ADGRB3: variants seen among roughly 807,000 people sequenced by gnomAD.
ADGRB3 encodes adhesion G protein-coupled receptor B3, also known as brain-specific angiogenesis inhibitor 3.
In ADGRB3, 37 loss-of-function variants were observed where a neutral mutation model predicts 193.4. The ratio of observed to expected loss-of-function variants is 0.19; its 90% CI spans 0.15 to 0.25. The LOEUF (loss-of-function observed/expected upper bound fraction) is 0.25, where lower values mean the gene tolerates loss of function less well. ADGRB3 is among the 10% of genes least tolerant of loss of function. ADGRB3 has a pLI of 1.00. For synonymous variants in ADGRB3, 690 were observed against 644.2 expected (o/e 1.07, Z -1.08); for missense variants, 1,637 against 1,852.9 (o/e 0.88, Z 2.14).
At chr6:68,771,886 T>G (rs1582187548) in intron 3 of ADGRB3, among the ~76,000 whole-genome samples, 2 of 152,160 alleles carry the variant, frequency 1.3e-5, no homozygotes, top group South Asian at 2.1e-4. Flanking sequence ...GTTTTCCAGG[T>G]TCAATTGCAA....
intron 10 of ADGRB3, among the ~76,000 whole-genome samples, chr6:68,980,669 GA>G (rs918564847): frequency 6.6e-6 from 1 of 151,524 alleles, no homozygotes; most frequent in African/African-American, 2.4e-5. Flanking sequence ...GAGCAATTAA[GA>G]AACCAGTAAA....
At chr6:68,906,568 A>T (rs1562080604) in intron 3 of ADGRB3, among the ~76,000 whole-genome samples, 1 of 152,120 alleles carries the variant, frequency 6.6e-6, no homozygotes, top group South Asian at 2.1e-4. Context: ...TCAAATTGTT[A>T]AAAGACACAT....
At chr6:69,131,922 C>A (rs1774022875) in intron 17 of ADGRB3, among the ~76,000 whole-genome samples, 1 of 151,550 alleles carries the variant, frequency 6.6e-6, no homozygotes, top group Admixed American at 6.6e-5. Flanking sequence ...TGATGGTTTA[C>A]AGTTTCATCC....
At chr6:69,053,912 T>A (rs1771469811) in intron 15 of ADGRB3, among the ~76,000 whole-genome samples, 1 of 152,200 alleles carries the variant, frequency 6.6e-6, no homozygotes. Flanking sequence ...AAGAAATCAA[T>A]AAATGGTTAT....
chr6:69,254,509 C>T (rs927335183), intron 20 of ADGRB3, among the ~76,000 whole-genome samples: 14 of 151,978 alleles, frequency 9.2e-5, no homozygotes, highest in Non-Finnish European at 1.6e-4. Flanking sequence ...GATATGAAAA[C>T]ATGAGTATGT....
intron 6 of ADGRB3, among the ~76,000 whole-genome samples, chr6:68,955,402 G>C (rs1412059811): frequency 7.9e-5 from 12 of 152,196 alleles, no homozygotes; most frequent in Non-Finnish European, 2.9e-5. Context: ...TCAGTATTTA[G>C]TTTGTTCACT....
intron 3 of ADGRB3, among the ~76,000 whole-genome samples, chr6:68,787,286 G>A (rs1294204087): frequency 6.6e-6 from 1 of 152,080 alleles, no homozygotes; most frequent in Non-Finnish European, 1.5e-5. Context: ...TATTGGCTGT[G>A]GGTTTGTCAT....
At chr6:68,778,908 C>T (rs1243510491) in intron 3 of ADGRB3, among the ~76,000 whole-genome samples, 1 of 151,758 alleles carries the variant, frequency 6.6e-6, no homozygotes. Flanking sequence ...AAATGGGAAC[C>T]CTGTTTCTGG....
At chr6:68,952,887 T>C (rs1181798030) in intron 6 of ADGRB3, among the ~76,000 whole-genome samples, 1 of 152,180 alleles carries the variant, frequency 6.6e-6, no homozygotes, top group Admixed American at 6.5e-5. Flanking sequence ...TTAACACTCT[T>C]AAGCTTTAAC....
At chr6:68,981,860 A>C (rs146006044) in intron 10 of ADGRB3, among the ~76,000 whole-genome samples, 3,051 of 138,658 alleles carry the variant, frequency 0.022, 125 homozygotes, top group East Asian at 0.051. Flanking sequence ...TTATTTATTT[A>C]TTTATTTATT....
chr6:69,381,152 G>T (rs143345525), intron 30 of ADGRB3, among the ~76,000 whole-genome samples: 64 of 151,852 alleles, frequency 4.2e-4, no homozygotes, highest in African/African-American at 1.4e-3. Context: ...CAGTGACAGG[G>T]TCCTCAAAAT....
intron 17 of ADGRB3, among the ~76,000 whole-genome samples, chr6:69,115,821 G>T (rs1773515824): frequency 6.6e-6 from 1 of 152,268 alleles, no homozygotes; most frequent in African/African-American, 2.4e-5. Flanking sequence ...CAAGGATTGA[G>T]CATGGCTGGC....
intron 24 of ADGRB3, among the ~76,000 whole-genome samples, chr6:69,338,184 A>G (rs2127318654): frequency 6.6e-6 from 1 of 152,296 alleles, no homozygotes; most frequent in Admixed American, 6.5e-5. Context: ...CCTCTAGACA[A>G]GAATAGACCA....
chr6:69,120,490 CT>C (rs1485466061), intron 17 of ADGRB3, among the ~76,000 whole-genome samples: 7 of 152,208 alleles, frequency 4.6e-5, no homozygotes, highest in Non-Finnish European at 8.8e-5. Flanking sequence ...AGATAGAAGA[CT>C]AACTTGGGTC....
At chr6:69,002,730 A>G (rs902758800) in intron 11 of ADGRB3, among the ~76,000 whole-genome samples, 65 of 152,182 alleles carry the variant, frequency 4.3e-4, no homozygotes, top group Admixed American at 1.3e-4. Flanking sequence ...TAATACCCTC[A>G]TATAATGATA....
At chr6:69,366,176 C>T (rs1769563192) in intron 29 of ADGRB3, among the ~76,000 whole-genome samples, 1 of 151,868 alleles carries the variant, frequency 6.6e-6, no homozygotes, top group Admixed American at 6.6e-5. Flanking sequence ...GGAAAACTTG[C>T]CCTTTTTTAC....
intron 17 of ADGRB3, among the ~76,000 whole-genome samples, chr6:69,218,414 A>G (rs955120496): frequency 6.6e-6 from 1 of 152,114 alleles, no homozygotes; most frequent in Non-Finnish European, 1.5e-5. Flanking sequence ...GTACTTTGAC[A>G]CTCTGGGAAG....
At chr6:69,362,311 C>T (rs1481218724) in intron 29 of ADGRB3, among the ~76,000 whole-genome samples, 1 of 151,860 alleles carries the variant, frequency 6.6e-6, no homozygotes, top group African/African-American at 2.4e-5. Context: ...ATATGATTGC[C>T]ACTTGTTTTA....
At chr6:68,732,417 T>C (rs1765791186) in intron 3 of ADGRB3, among the ~76,000 whole-genome samples, 1 of 151,876 alleles carries the variant, frequency 6.6e-6, no homozygotes, top group African/African-American at 2.4e-5. Context: ...ACTGAACTAT[T>C]TATAAAGGAA....
Sources: gnomAD v4.1 joint callset for allele counts (sites outside exome capture counted in the v4.1 genomes callset) on GRCh38, gnomAD v4.1.1 for gene constraint, MANE v1.5 for transcripts, NCBI Gene and HGNC (gene_info 2026-07-23, HGNC 2026-07-21) for gene names.